SPATA6L: variants seen among roughly 807,000 people sequenced by gnomAD.
SPATA6L encodes the protein spermatogenesis associated 6 like, also known as spermatogenesis associated 6-like protein.
SPATA6L carries 68 observed loss-of-function variants against 49.2 expected under a neutral mutation model. That is an observed-to-expected ratio of 1.38 (90% CI 1.14 to 1.69). The LOEUF (loss-of-function observed/expected upper bound fraction) is 1.69, where lower values mean the gene tolerates loss of function less well. Ranked by LOEUF, SPATA6L falls within the 40% of genes most tolerant of loss-of-function variation. The probability of loss-of-function intolerance (pLI) is 0.00; values close to 1 mark genes in which losing one functional copy is unlikely to be tolerated. For synonymous variants in SPATA6L, 198 were observed against 165.7 expected (o/e 1.19, Z -1.50); for missense variants, 668 against 464.3 (o/e 1.44, Z -4.03).
At chr9:4,596,175 A>C (rs1822239513), downstream of SPATA6L, among the ~76,000 whole-genome samples, 1 of 152,200 alleles carries the variant, frequency 6.6e-6, no homozygotes, top group Admixed American at 6.5e-5. Context: ...TCAAGAGGGC[A>C]CGGGTTGAAT....
At chr9:4,654,383 G>A (rs190335593) in intron 3 of SPATA6L, among the ~76,000 whole-genome samples, 2 of 152,304 alleles carry the variant, frequency 1.3e-5, no homozygotes, top group Admixed American at 1.3e-4. Context: ...GACAGACGGG[G>A]GCAGGCTGTG....
chr9:4,614,436 G>A (rs1026098605), intron 9 of SPATA6L, among the ~76,000 whole-genome samples: 2 of 152,156 alleles, frequency 1.3e-5, no homozygotes, highest in African/African-American at 4.8e-5. Context: ...GAGAAAGAGT[G>A]GTCCTGATAT....
rs575020186 is a variant in SPATA6L at position 4,599,710 on chromosome 9, G to C, written c.*1101C>G. On this transcript the variant is annotated 3_prime_UTR_variant, in exon 12 of 12. Coordinates refer to ENST00000682582, the MANE Select transcript of SPATA6L (RefSeq NM_001353486.2). ...GGAAGGGGCAAACGAGCTCCCTTGA[G>C]CCTATTTATAGGGCACTAATCTCAT... Among the ~76,000 whole-genome samples, 153 of 152,286 alleles carry C rather than the reference G, an allele frequency of 1.0e-3. No individual in the cohort carries two copies. The highest frequency in any genetic ancestry group is 3.5e-3 in the African/African-American group (147 of 41,554).
intron 4 of SPATA6L, 43 bp downstream of exon 4, chr9:4,635,232 G>A (rs16921669): frequency 0.077 from 113,115 of 1,469,260 alleles, 8,194 homozygotes; most frequent in East Asian, 0.38. Context: ...GGTCCCAAGA[G>A]TTTCTCTCCT....
chr9:4,653,128 G>A (rs527820148), intron 3 of SPATA6L, among the ~76,000 whole-genome samples: 2 of 152,140 alleles, frequency 1.3e-5, no homozygotes, highest in South Asian at 2.1e-4. Context: ...ACAAAGCTAC[G>A]GTAACAGGAT....
intron 2 of SPATA6L, among the ~76,000 whole-genome samples, chr9:4,656,799 T>G (rs2130765777): frequency 2.0e-5 from 3 of 152,308 alleles, no homozygotes; most frequent in Middle Eastern, 6.8e-3. Context: ...AGAAAAACAT[T>G]CTGTATACAA....
At chr9:4,613,030 C>T (rs1827140474) in intron 9 of SPATA6L, among the ~76,000 whole-genome samples, 1 of 151,996 alleles carries the variant, frequency 6.6e-6, no homozygotes, top group South Asian at 2.1e-4. Context: ...GAGTTCCAGA[C>T]CAGCCTGGCT....
intron 1 of SPATA6L, chr9:4,663,772 C>T (rs72695804): frequency 7.7e-4 from 128 of 167,052 alleles, no homozygotes; most frequent in Middle Eastern, 3.4e-3. Flanking sequence ...TAGTTTATTC[C>T]CTGAAGATCT....
At chr9:4,628,897 G>C in intron 5 of SPATA6L, 194 bp downstream of exon 5, 1 of 552,562 alleles carries the variant, frequency 1.8e-6, no homozygotes, top group Non-Finnish European at 3.2e-6. Context: ...CCAAACGTAT[G>C]TACCAAACAT....
At chr9:4,602,072 C>A (rs562887543) in intron 11 of SPATA6L, among the ~76,000 whole-genome samples, 2 of 152,082 alleles carry the variant, frequency 1.3e-5, no homozygotes, top group South Asian at 2.1e-4. Context: ...GTATTCTAAG[C>A]GTATGCCAAA....
intron 9 of SPATA6L, among the ~76,000 whole-genome samples, chr9:4,614,773 G>A (rs978078659): frequency 2.6e-5 from 4 of 152,088 alleles, no homozygotes; most frequent in Non-Finnish European, 5.9e-5. Context: ...TGATAATCAT[G>A]GCCTTATTTA....
At chr9:4,596,743 T>C (rs1360832601), downstream of SPATA6L, among the ~76,000 whole-genome samples, 3 of 152,206 alleles carry the variant, frequency 2.0e-5, no homozygotes, top group Non-Finnish European at 4.4e-5. Context: ...TTCATGTTTT[T>C]CAAACCCTTT....
intron 5 of SPATA6L, chr9:4,626,158 C>G (rs1408514050): frequency 5.0e-6 from 1 of 199,236 alleles, no homozygotes; most frequent in Admixed American, 5.3e-5. Flanking sequence ...CTGGCTACTT[C>G]CAGTTTTGCA....
chr9:4,664,578 A>G (rs936916460), intron 1 of SPATA6L: 2 of 167,114 alleles, frequency 1.2e-5, no homozygotes, highest in Admixed American at 1.3e-4. Context: ...TCTTTGACCC[A>G]GAAAGACTGG....
intron 2 of SPATA6L, among the ~76,000 whole-genome samples, chr9:4,660,603 C>G (rs1181309386): frequency 2.0e-5 from 3 of 152,320 alleles, no homozygotes; most frequent in East Asian, 3.9e-4. Flanking sequence ...CTAGTTCAAC[C>G]CATGTGGAAG....
chr9:4,612,047 C>T (rs928719821), intron 9 of SPATA6L, among the ~76,000 whole-genome samples: 8 of 151,902 alleles, frequency 5.3e-5, no homozygotes, highest in African/African-American at 1.7e-4. Flanking sequence ...GTCTTGCTAC[C>T]CAGGCTGGTC....
intron 9 of SPATA6L, among the ~76,000 whole-genome samples, chr9:4,611,029 C>CA (rs1323016835): frequency 1.3e-5 from 2 of 148,454 alleles, no homozygotes; most frequent in Non-Finnish European, 3.0e-5. Context: ...TTTATGCAGC[C>CA]AAAAAACACA....
intron 4 of SPATA6L, among the ~76,000 whole-genome samples, chr9:4,630,491 C>T (rs893185201): frequency 6.6e-6 from 1 of 152,198 alleles, no homozygotes; most frequent in South Asian, 2.1e-4. Context: ...CTACTCTCCC[C>T]CAGAGAACAC....
chr9:4,637,487 T>C (rs1833040331), intron 3 of SPATA6L, among the ~76,000 whole-genome samples: 1 of 152,202 alleles, frequency 6.6e-6, no homozygotes, highest in African/African-American at 2.4e-5. Context: ...AACAGTGACT[T>C]TGTCTTTTCT....
Sources: gnomAD v4.1 joint callset for allele counts (sites outside exome capture counted in the v4.1 genomes callset) on GRCh38, gnomAD v4.1.1 for gene constraint, MANE v1.5 for transcripts, NCBI Gene and HGNC (gene_info 2026-07-23, HGNC 2026-07-21) for gene names.